The following DAO variants were observed in gnomAD, a reference collection of about 807,000 sequenced individuals.
DAO encodes D-amino-acid oxidase.
In DAO, 51 loss-of-function variants were observed where a neutral mutation model predicts 50.1. The ratio of observed to expected loss-of-function variants is 1.02; its 90% CI spans 0.81 to 1.29. The LOEUF is 1.29. Among genes scored for constraint, DAO ranks in the 50% most tolerant of loss-of-function variants. DAO has a pLI of 0.00. For synonymous variants in DAO, 160 were observed against 166.2 expected, an observed-to-expected ratio of 0.96 and a Z score of 0.29; for missense variants, 436 against 439.4, an observed-to-expected ratio of 0.99 and a Z score of 0.07.
At chr12:108,895,142 G>C (rs1001256312) in intron 7 of DAO, among the ~76,000 whole-genome samples, 1 of 152,228 alleles carries the variant, frequency 6.6e-6, no homozygotes. Context: ...AAGTTCACAC[G>C]GTAGTACGCA....
In DAO at chr12:108,887,504, C is replaced by T. The variant is rs149638037; in HGVS notation, c.249C>T (p.Asn83=). 155 of 1,614,136 alleles carry T rather than the reference C, an allele frequency of 9.6e-5. No homozygotes were observed. The highest frequency in any genetic ancestry group is 5.2e-4 in the Admixed American group (31 of 60,008). Residue 83 remains asparagine, a synonymous_variant, in exon 3 of 11, where the codon AAC becomes AAT. Coordinates refer to ENST00000228476, the MANE Select transcript of DAO (RefSeq NM_001917.5). The stretch of plus-strand genomic sequence containing the variant: ...TCCTGAGCCATGTCCATTCTCCCAA[C>T]GCTGAAAACCTGGGCCTGTTCCTAA... ...DYLLSHVHSP[N]AENLGLFLIS...
At chr12:108,880,337 A>T (rs2039363373) in intron 1 of DAO, 113 bp downstream of exon 1, 1 of 344,782 alleles carries the variant, frequency 2.9e-6, no homozygotes. Context: ...AGCCTAAGGC[A>T]GGTGACAGGA....
chr12:108,889,575 T>C, intron 4 of DAO, 30 bp downstream of exon 4: 1 of 1,573,342 alleles, frequency 6.4e-7, no homozygotes. Context: ...CAAAGGGGAC[T>C]GGGGCCTGAC....
At chr12:108,889,316 G>C (rs1026372581) in intron 3 of DAO, among the ~76,000 whole-genome samples, 153 bp from the exon 4 acceptor site, 2 of 152,040 alleles carry the variant, frequency 1.3e-5, no homozygotes, top group Admixed American at 6.6e-5. Context: ...CACCATGTTG[G>C]CCAGACTGGT....
chr12:108,889,643 T>C (rs750758798), intron 4 of DAO, 98 bp downstream of exon 4: 3 of 942,802 alleles, frequency 3.2e-6, no homozygotes, highest in Non-Finnish European at 5.1e-6. Context: ...TTTCCTGTCC[T>C]ACCCAGGCCC....
chr12:108,898,943 T>C (rs2039592563), intron 9 of DAO, 147 bp downstream of exon 9: 1 of 712,536 alleles, frequency 1.4e-6, no homozygotes. Flanking sequence ...AATTTGATAA[T>C]GTACAGGGAA....
At chr12:108,887,327 T>C (rs906679444) in intron 2 of DAO, 123 bp from the exon 3 acceptor site, 9 of 785,088 alleles carry the variant, frequency 1.1e-5, no homozygotes, top group Admixed American at 1.0e-4. Flanking sequence ...GTGAACGTGG[T>C]GGATTTCTGG....
At position 108,899,424 on chromosome 12, in the gene DAO, C is replaced by T. The variant is rs763136408; in HGVS notation, c.861C>T (p.Pro287=). The part of the protein sequence containing the change: ...GERTGFRPVR[P]QIRLEREQLR... ...GAACTGGCTTCCGGCCAGTACGCCC[C>T]CAGATTCGGCTAGAAAGAGAACAGC... The change falls in exon 10 of 11, where the codon CCC becomes CCT. Residue 287 remains proline (P), a synonymous_variant. Coordinates refer to ENST00000228476, the MANE Select transcript of DAO (RefSeq NM_001917.5). 1 of 1,613,846 alleles carries T rather than the reference C, an allele frequency of 6.2e-7. No homozygotes were observed. The highest frequency in any genetic ancestry group is 2.2e-5 in the East Asian group (1 of 44,854).
At chr12:108,898,098 G>A (rs17041074) in intron 8 of DAO, among the ~76,000 whole-genome samples, 51,395 of 151,872 alleles carry the variant, frequency 0.34, 9,291 homozygotes, top group Admixed American at 0.51. Context: ...TGTTGATAGC[G>A]GAATGGTGGT....
intron 7 of DAO, among the ~76,000 whole-genome samples, chr12:108,895,539 TATGTGTGTGTGC>T (rs1482566495): frequency 2.9e-5 from 4 of 138,744 alleles, no homozygotes; most frequent in Non-Finnish European, 4.6e-5. Context: ...CATGTGAGGG[TATGTGTGTGTGC>T]ATGTGTGTGA....
intron 1 of DAO, among the ~76,000 whole-genome samples, chr12:108,880,914 C>T (rs1161433542): frequency 2.0e-5 from 3 of 152,068 alleles, no homozygotes; most frequent in East Asian, 1.9e-4. Context: ...GTGCAGAAAG[C>T]GCCGATAGAA....
intron 3 of DAO, among the ~76,000 whole-genome samples, chr12:108,887,843 G>A (rs935434244): frequency 1.4e-4 from 21 of 152,178 alleles, no homozygotes; most frequent in African/African-American, 4.8e-4. Flanking sequence ...AACATGTTCT[G>A]CAGTGACGGG....
At chr12:108,886,230 C>T (rs190770999) in intron 2 of DAO, among the ~76,000 whole-genome samples, 1,549 of 150,974 alleles carry the variant, frequency 0.01, 21 homozygotes, top group Middle Eastern at 0.031. Flanking sequence ...CACTATGTTA[C>T]CCGGGCTGGT....
rs751222640 is a variant in DAO, at chr12:108,897,107, C to T, written c.695+19C>T. The T allele has an allele frequency of 2.8e-5, 44 of 1,584,766 alleles. No homozygotes were observed. Among genetic ancestry groups the T allele is most frequent in the Non-Finnish European group, 3.6e-5 (41 of 1,153,464 alleles). On this transcript the variant is annotated intron_variant, in intron 8 of 10. Coordinates refer to ENST00000228476, the MANE Select transcript of DAO (RefSeq NM_001917.5). ...TCCCAGGGTAAAATTGGACTGTTCT[C>T]GGGCAGAAGAGTGGTCCCCTTCATG... is the stretch of plus-strand genomic sequence containing the variant.
chr12:108,895,291 A>T (rs554386338), intron 7 of DAO, among the ~76,000 whole-genome samples: 14 of 143,756 alleles, frequency 9.7e-5, no homozygotes, highest in African/African-American at 3.6e-4. Context: ...ATGTAAGGGT[A>T]TGTGTGCATA....
intron 4 of DAO, among the ~76,000 whole-genome samples, chr12:108,889,897 C>T (rs1354504595): frequency 6.6e-6 from 1 of 152,182 alleles, no homozygotes; most frequent in East Asian, 1.9e-4. Flanking sequence ...CACACCCCTC[C>T]TTTCTTTTCT....
chr12:108,890,069 C>T (rs1273581906), intron 4 of DAO, 139 bp from the exon 5 acceptor site: 3 of 753,692 alleles, frequency 4.0e-6, no homozygotes, highest in Non-Finnish European at 7.1e-6. Flanking sequence ...AACCACGTCC[C>T]CCCTTGAACT....
chr12:108,896,524 T>C (rs1305818990), intron 7 of DAO, among the ~76,000 whole-genome samples: 1 of 150,224 alleles, frequency 6.7e-6, no homozygotes, highest in East Asian at 2.0e-4. Flanking sequence ...CAGTGTGGAG[T>C]CTGTTGAAAG....
intron 7 of DAO, among the ~76,000 whole-genome samples, chr12:108,895,402 GGT>G (rs1344501603): frequency 1.4e-4 from 19 of 139,598 alleles, no homozygotes; most frequent in Non-Finnish European, 1.9e-4. Flanking sequence ...CATATGTGAG[GGT>G]GTGTGTGCAT....
Sources: gnomAD v4.1 joint callset for allele counts (sites outside exome capture counted in the v4.1 genomes callset) on GRCh38, gnomAD v4.1.1 for gene constraint, MANE v1.5 for transcripts, NCBI Gene and HGNC (gene_info 2026-07-23, HGNC 2026-07-21) for gene names.